Variants in KYAT3 observed in about 807,000 individuals in gnomAD.
KYAT3 encodes kynurenine--oxoglutarate transaminase 3.
In KYAT3, 50 loss-of-function variants were observed where a neutral mutation model predicts 59.0. The ratio of observed to expected loss-of-function variants is 0.85; its 90% CI spans 0.68 to 1.07. KYAT3 has a LOEUF of 1.07. Among genes scored for constraint, KYAT3 ranks in the 50% least tolerant of loss-of-function variants. The probability of loss-of-function intolerance (pLI) is 0.00; values close to 1 mark genes in which losing one functional copy is unlikely to be tolerated. For missense variants in KYAT3, 497 were observed against 533.3 expected (o/e 0.93, Z 0.67); for synonymous variants, 148 against 177.0 (o/e 0.84, Z 1.30).
chr1:88,973,805 T>C (rs745414716), intron 2 of KYAT3, among the ~76,000 whole-genome samples: 7 of 152,180 alleles, frequency 4.6e-5, no homozygotes, highest in Non-Finnish European at 8.8e-5. Context: ...TAATACTGTA[T>C]GTTGAACCCA....
intron 2 of KYAT3, among the ~76,000 whole-genome samples, chr1:88,986,192 AAG>A (rs372559399): frequency 3.0e-4 from 45 of 150,094 alleles, no homozygotes; most frequent in Admixed American, 1.8e-3. Context: ...AAAAAAAAAA[AAG>A]AGAGAGAGAG....
chr1:88,965,493 G>A (rs1242594456), intron 4 of KYAT3, among the ~76,000 whole-genome samples: 1 of 152,148 alleles, frequency 6.6e-6, no homozygotes, highest in Non-Finnish European at 1.5e-5. Context: ...AGAAGGAAGT[G>A]AGACACTACT....
At chr1:88,954,953 A>G (rs1220605739) in intron 9 of KYAT3, among the ~76,000 whole-genome samples, 196 bp downstream of exon 9, 2 of 152,114 alleles carry the variant, frequency 1.3e-5, no homozygotes, top group Non-Finnish European at 2.9e-5. Context: ...ATTTGTAGAG[A>G]CAGGGTCTCA....
chr1:88,977,795 C>T (rs1180644091), intron 2 of KYAT3, among the ~76,000 whole-genome samples: 1 of 152,200 alleles, frequency 6.6e-6, no homozygotes, highest in Non-Finnish European at 1.5e-5. Flanking sequence ...AAGTGCTCTA[C>T]ACAGGTGTAC....
intron 2 of KYAT3, chr1:88,980,379 C>G (rs922628367): frequency 6.6e-6 from 1 of 152,298 alleles, no homozygotes; most frequent in Admixed American, 6.6e-5. Context: ...ACCAAGCACC[C>G]GCCCAAGCAA....
At chr1:88,949,309 G>T in intron 10 of KYAT3, 32 bp from the exon 11 acceptor site, 2 of 1,448,798 alleles carry the variant, frequency 1.4e-6, no homozygotes, top group Non-Finnish European at 9.2e-7. Flanking sequence ...ATATGAAAAG[G>T]CATATGGCAA....
the KYAT3 span, among the ~76,000 whole-genome samples, chr1:88,928,455 G>C: frequency 1.3e-5 from 2 of 152,272 alleles, no homozygotes; most frequent in East Asian, 3.9e-4. Flanking sequence ...AAAGAGAAAA[G>C]CTGGGCAAAT....
rs372559399 is a variant in KYAT3 at position 88,986,192 on chromosome 1, A to AAG, written c.99+2058_99+2059dup. ...GTGAGAGACTGTATGAAAAAAAAAA[A>AAG]AGAGAGAGAGAGAGAGACAGAGAGA... On this transcript the variant is annotated intron_variant, in intron 2 of 13. Transcript: ENST00000260508. 2.3e-4 allele frequency among the ~76,000 whole-genome samples: 35 copies of AAG among 150,210 alleles called. No individual in the cohort carries two copies. In the East Asian group the frequency reaches 2.4e-3, roughly 10 times the overall value.
chr1:88,986,363 C>T (rs948737785), intron 2 of KYAT3, among the ~76,000 whole-genome samples: 1 of 150,306 alleles, frequency 6.7e-6, no homozygotes, highest in Non-Finnish European at 1.5e-5. Flanking sequence ...CGGTGGCTCA[C>T]GCCTGTAATC....
At chr1:88,958,866 A>C (rs1388414112) in intron 8 of KYAT3, among the ~76,000 whole-genome samples, 6 of 152,180 alleles carry the variant, frequency 3.9e-5, no homozygotes, top group African/African-American at 7.2e-5. Context: ...CACTAAAGTA[A>C]GTTTCAGAAC....
chr1:88,970,408 A>G (rs973384332), intron 2 of KYAT3, among the ~76,000 whole-genome samples: 31 of 152,192 alleles, frequency 2.0e-4, no homozygotes, highest in African/African-American at 7.5e-4. Context: ...AACTTTTCAC[A>G]TCTGCTCAAG....
At chr1:88,973,695 A>G (rs1676646669) in intron 2 of KYAT3, among the ~76,000 whole-genome samples, 1 of 152,222 alleles carries the variant, frequency 6.6e-6, no homozygotes, top group Non-Finnish European at 1.5e-5. Flanking sequence ...GCTAATTTCT[A>G]GAACAATGAA....
At chr1:88,978,228 T>G (rs534877258) in intron 2 of KYAT3, among the ~76,000 whole-genome samples, 1 of 152,338 alleles carries the variant, frequency 6.6e-6, no homozygotes, top group African/African-American at 2.4e-5. Flanking sequence ...ACACAGATCT[T>G]AAAAAGAAAC....
intron 2 of KYAT3, among the ~76,000 whole-genome samples, chr1:88,978,561 A>G (rs1676909853): frequency 6.6e-6 from 1 of 151,912 alleles, no homozygotes; most frequent in Non-Finnish European, 1.5e-5. Context: ...GCAGTGGTGC[A>G]ATCATGGCTC....
At chr1:88,982,179 A>T (rs2101080914) in intron 2 of KYAT3, 1 of 877,014 alleles carries the variant, frequency 1.1e-6, no homozygotes. Context: ...TTGCATACTG[A>T]GAACAGTGAG....
intron 2 of KYAT3, among the ~76,000 whole-genome samples, chr1:88,973,547 T>C (rs1372705131): frequency 2.0e-5 from 3 of 152,210 alleles, no homozygotes; most frequent in Admixed American, 2.0e-4. Flanking sequence ...AAGGCTTGTA[T>C]AACTTCTGGA....
At chr1:88,921,269 GA>G in the KYAT3 span, among the ~76,000 whole-genome samples, 1 of 152,164 alleles carries the variant, frequency 6.6e-6, no homozygotes, top group African/African-American at 2.4e-5. Flanking sequence ...GGGTGAAAAG[GA>G]CAAAAAGGAT....
chr1:88,934,727 G>C (rs1363162580), downstream of KYAT3, among the ~76,000 whole-genome samples: 1 of 152,168 alleles, frequency 6.6e-6, no homozygotes, highest in African/African-American at 2.4e-5. Flanking sequence ...GTCAAGGCTA[G>C]ATGAGAAAGG....
Position 88,952,522 on chromosome 1 carries a change from T to A in KYAT3, c.954+541A>T, listed in dbSNP as rs139928575. Among the ~76,000 whole-genome samples, 75 of 152,266 alleles carry A rather than the reference T, an allele frequency of 4.9e-4. 3 individuals carry two copies. Among genetic ancestry groups the A allele is most frequent in the African/African-American group, 1.7e-3 (72 of 41,560 alleles). On this transcript the variant is annotated intron_variant, in intron 10 of 13. Transcript: ENST00000260508. ...TTAAAAGTGTGTTGCACCTCCCCAC[T>A]TCTCTCCCTCCTGCTCCAGCCCTGT...
Sources: allele counts gnomAD v4.1 joint callset (sites outside exome capture counted in the v4.1 genomes callset), GRCh38; gene constraint gnomAD v4.1.1; transcripts MANE v1.5; gene names NCBI Gene and HGNC (gene_info 2026-07-23, HGNC 2026-07-21).